The following ARHGAP22 variants were observed in gnomAD, a reference collection of about 807,000 sequenced individuals.
The protein encoded by ARHGAP22 is rho GTPase-activating protein 22.
Under a neutral mutation model 59.1 loss-of-function variants are expected in ARHGAP22, and 48 were observed. The observed-to-expected ratio is 0.81, with a 90% CI of 0.64 to 1.03. The LOEUF is 1.03. ARHGAP22 is among the 50% of genes least tolerant of loss of function. The pLI is 0.00. For missense variants in ARHGAP22, 1,015 were observed against 958.7 expected (o/e 1.06, Z -0.78); for synonymous variants, 445 against 416.4 (o/e 1.07, Z -0.84).
intron 3 of ARHGAP22, chr10:48,546,786 T>C (rs943960839): frequency 1.3e-5 from 2 of 152,340 alleles, no homozygotes; most frequent in African/African-American, 4.8e-5. Flanking sequence ...AGCATTGTGA[T>C]GGGATTGGGT....
rs1308863675 is a variant in ARHGAP22, at chr10:48,446,272, T to G, written c.*119A>C. On this transcript the variant is annotated 3_prime_UTR_variant, in exon 10 of 10. Transcript: ENST00000249601. ...CACAGTCCCCACAGAGGTATCAGGA[T>G]CTCTCTCTCTCCAGCTGGCTCCAGA... The G allele has an allele frequency of 4.9e-6, 5 of 1,028,804 alleles. No homozygotes were observed. The highest frequency in any genetic ancestry group is 4.3e-6 in the Non-Finnish European group (3 of 704,692). The allele number at this position is 1,028,804 out of a possible 1,614,324, so 63.7% of individuals were successfully genotyped here. A position where few individuals can be genotyped will look rare whatever the true frequency, so the allele number is the denominator to read the frequency against.
At chr10:48,466,710 T>A (rs1489880287) in intron 4 of ARHGAP22, 2 of 147,074 alleles carry the variant, frequency 1.4e-5, no homozygotes, top group Admixed American at 1.3e-4. Flanking sequence ...GCGGCTGGAA[T>A]GCCCGGCACG....
Position 48,459,805 on chromosome 10 carries a change from C to T in ARHGAP22, c.538G>A (p.Val180Met), listed in dbSNP as rs1259645967. 1.2e-6 allele frequency: 2 copies of T among 1,613,786 alleles called. No homozygotes were observed. The highest frequency in any genetic ancestry group is 3.3e-5 in the Admixed American group (2 of 60,036). Residue 180 changes from valine (V) to methionine (M), a missense_variant, in exon 5 of 10, where the codon GTG (valine) becomes ATG (methionine). Physicochemically the swap from Val to Met is conservative, Grantham distance 21. Transcript: ENST00000249601. The stretch of plus-strand genomic sequence containing the variant: ...AGCCCGCGCTCCCGGATGAAGTCCA[C>T]ACACTGCTCCACCAGCAGGGGCGCC... ...RLAPLLVEQC[V>M]DFIRERGLTE...
chr10:48,619,103 A>G (rs10776631), intron 1 of ARHGAP22, among the ~76,000 whole-genome samples: 84,171 of 151,874 alleles, frequency 0.55, 23,767 homozygotes, highest in African/African-American at 0.66. Context: ...GTTTACAACA[A>G]CTACAAAAAA....
At chr10:48,569,258 G>C (rs912880867) in intron 2 of ARHGAP22, among the ~76,000 whole-genome samples, 10 of 152,206 alleles carry the variant, frequency 6.6e-5, no homozygotes, top group African/African-American at 2.2e-4. Context: ...AGGCTGATCT[G>C]CTGAGCCAAC....
rs1189990373 is a variant in ARHGAP22 at position 48,450,502 on chromosome 10, G to A, written c.1627C>T (p.Leu543=). ...RASDSSARSS[L]HTDWALEPSP... ...GGCTCCAGGGCCCAGTCGGTGTGCA[G>A]GGAACTGCGGGCAGACGAGTCGCTG... The change falls in exon 9 of 10, where the codon CTG becomes TTG. Residue 543 remains leucine, a synonymous_variant. Transcript: ENST00000249601. 6.5e-7 allele frequency: 1 copy of A among 1,529,884 alleles called. No homozygotes were observed. The highest frequency in any genetic ancestry group is 8.8e-7 in the Non-Finnish European group (1 of 1,138,000). The allele number at this position is 1,529,884 out of a possible 1,614,324, so 94.8% of individuals were successfully genotyped here. A position where few individuals can be genotyped will look rare whatever the true frequency, so the allele number is the denominator to read the frequency against.
At position 48,582,857 on chromosome 10, in the gene ARHGAP22, G is replaced by C. The variant is rs2059199439; in HGVS notation, c.234+96C>G. 8 of 1,409,574 alleles carry C rather than the reference G, an allele frequency of 5.7e-6. No individual in the cohort carries two copies. The Admixed American group carries it at 1.5e-4, about 26-fold the overall frequency. The allele number at this position is 1,409,574 out of a possible 1,614,324, so 87.3% of individuals were successfully genotyped here. ...GCAAAACATCACTGTGATGGAGTCA[G>C]TGGCTCTGTGCCTTCCTCCCTTCTC... On this transcript the variant is annotated intron_variant, in intron 2 of 9. Coordinates refer to ENST00000249601, the MANE Select transcript of ARHGAP22 (RefSeq NM_021226.4).
At chr10:48,545,330 G>A (rs960705140) in intron 3 of ARHGAP22, among the ~76,000 whole-genome samples, 1 of 152,210 alleles carries the variant, frequency 6.6e-6, no homozygotes, top group African/African-American at 2.4e-5. Context: ...TTTCCAGGGA[G>A]CCTGCAGGAG....
In ARHGAP22 at chr10:48,539,290, C is replaced by CTTTTTTTTTTTTTTTTTTTT. The variant is rs553835954; in HGVS notation, c.322+16172_322+16173insAAAAAAAAAAAAAAAAAAAA. Among the ~76,000 whole-genome samples the CTTTTTTTTTTTTTTTTTTTT allele has an allele frequency of 1.8e-4, 23 of 129,324 alleles. 2 individuals are homozygous for CTTTTTTTTTTTTTTTTTTTT. Among genetic ancestry groups the CTTTTTTTTTTTTTTTTTTTT allele is most frequent in the African/African-American group, 6.6e-4 (21 of 31,990 alleles). The allele number at this position is 129,324 out of a possible 152,430, so 84.8% of individuals were successfully genotyped here. ...CTAACAATTAGTATGAGAAGGGTAA[C>CTTTTTTTTTTTTTTTTTTTT]ATTTTTTTTTTTTTTTTTTGAGACG... is the stretch of plus-strand genomic sequence containing the variant. On this transcript the variant is annotated intron_variant, in intron 3 of 9. Transcript: ENST00000249601.
chr10:48,563,850 G>A (rs2057873038), intron 2 of ARHGAP22, among the ~76,000 whole-genome samples: 1 of 152,160 alleles, frequency 6.6e-6, no homozygotes, highest in African/African-American at 2.4e-5. Context: ...TTGAAAGGCT[G>A]ATTTTTGGAC....
chr10:48,567,640 G>A (rs1427462111), intron 2 of ARHGAP22, among the ~76,000 whole-genome samples: 1 of 152,074 alleles, frequency 6.6e-6, no homozygotes, highest in East Asian at 1.9e-4. Flanking sequence ...CTTAGGTTGG[G>A]GCCATGGTAT....
At chr10:48,462,928 G>A (rs977415322) in intron 4 of ARHGAP22, among the ~76,000 whole-genome samples, 2 of 152,232 alleles carry the variant, frequency 1.3e-5, no homozygotes, top group African/African-American at 2.4e-5. Context: ...CAGTGACACT[G>A]AGCCCCTGCT....
rs2045853710 is a variant in ARHGAP22, at chr10:48,450,796, C to G, written c.1333G>C (p.Gly445Arg). 2 of 1,573,426 alleles carry G rather than the reference C, an allele frequency of 1.3e-6. No individual in the cohort carries two copies. The highest frequency in any genetic ancestry group is 2.7e-5 in the African/African-American group (2 of 74,246). ...ATGGGCACCTCCAGGGATGAGCCGC[C>G]CCCCTTCGGGCTTCCCGATAGGGAC... ...PRSLSGSPKG[G>R]GSSLEVPIIS... The change falls in exon 9 of 10, where the codon GGC becomes CGC. Residue 445 changes from glycine (G) to arginine (R), a missense_variant. By Grantham distance (125) the Gly-to-Arg change is moderately radical. Coordinates refer to ENST00000249601, the MANE Select transcript of ARHGAP22 (RefSeq NM_021226.4).
chr10:48,453,323 G>T lies in ARHGAP22; in HGVS notation c.969C>A (p.Asp323Glu), dbSNP rs1388096028. The part of the protein sequence containing the change: ...GPNILRPQVE[D>E]PVTIMEGTSL... ...ACTTACCTTCCATGATGGTTACTGG[G>T]TCCTCTACCTGTGGCCGCAGAATGT... Residue 323 changes from aspartate (D) to glutamate (E), a missense_variant, in exon 8 of 10, where the codon GAC (aspartate) becomes GAA (glutamate). By Grantham distance (45) the Asp-to-Glu change is conservative. Transcript: ENST00000249601. 1 of 1,613,790 alleles carries T rather than the reference G, an allele frequency of 6.2e-7. No homozygotes were observed. Among genetic ancestry groups the T allele is most frequent in the African/African-American group, 1.3e-5 (1 of 74,936 alleles).
chr10:48,494,199 G>A (rs987727372), intron 3 of ARHGAP22, among the ~76,000 whole-genome samples: 4 of 152,172 alleles, frequency 2.6e-5, no homozygotes, highest in African/African-American at 4.8e-5. Context: ...CTGACGCTCC[G>A]TGAGCTTTCA....
intron 1 of ARHGAP22, among the ~76,000 whole-genome samples, chr10:48,623,567 C>G (rs1353251495): frequency 6.6e-6 from 1 of 152,156 alleles, no homozygotes; most frequent in Non-Finnish European, 1.5e-5. Context: ...CCAAATGCAA[C>G]AATGTGGGCT....
intron 3 of ARHGAP22, among the ~76,000 whole-genome samples, chr10:48,547,380 C>T (rs1461715813): frequency 2.0e-5 from 3 of 152,262 alleles, no homozygotes; most frequent in African/African-American, 4.8e-5. Flanking sequence ...CTCCTATTGC[C>T]TGCAGGATTC....
intron 1 of ARHGAP22, among the ~76,000 whole-genome samples, chr10:48,592,714 G>A (rs553204276): frequency 6.6e-6 from 1 of 152,274 alleles, no homozygotes; most frequent in East Asian, 1.9e-4. Flanking sequence ...AATGCTGCAT[G>A]TCCAAAGCAG....
At chr10:48,638,768 AGTG>A (rs1303265910) in intron 1 of ARHGAP22, among the ~76,000 whole-genome samples, 1 of 152,200 alleles carries the variant, frequency 6.6e-6, no homozygotes, top group Admixed American at 6.5e-5. Context: ...TCCTAATTCT[AGTG>A]GTGCTTAATG....
Sources: allele counts gnomAD v4.1 joint callset (sites outside exome capture counted in the v4.1 genomes callset), GRCh38; gene constraint gnomAD v4.1.1; transcripts MANE v1.5; gene names NCBI Gene and HGNC (gene_info 2026-07-23, HGNC 2026-07-21).